The following RPRD1A variants were observed in gnomAD, a reference collection of about 807,000 sequenced individuals.
RPRD1A encodes regulation of nuclear pre-mRNA domain containing 1A.
Under a neutral mutation model 37.8 loss-of-function variants are expected in RPRD1A, and 9 were observed. The observed-to-expected ratio is 0.24, with a 90% CI of 0.14 to 0.42. The LOEUF is 0.42. RPRD1A is among the 10% of genes least tolerant of loss of function. The pLI, the probability that RPRD1A is intolerant of heterozygous loss-of-function variation, is 1.00. For synonymous variants in RPRD1A, 138 were observed against 139.7 expected (o/e 0.99, Z 0.08); for missense variants, 255 against 371.0 (o/e 0.69, Z 2.57).
intron 6 of RPRD1A, among the ~76,000 whole-genome samples, chr18:36,007,837 C>T (rs1037858235): frequency 2.0e-5 from 3 of 152,064 alleles, no homozygotes; most frequent in African/African-American, 7.2e-5. Flanking sequence ...ACTCGGGAGG[C>T]TGAGGCAGGA....
intron 4 of RPRD1A, among the ~76,000 whole-genome samples, chr18:36,028,791 T>A (rs891725600): frequency 3.9e-5 from 6 of 152,126 alleles, no homozygotes; most frequent in African/African-American, 1.4e-4. Flanking sequence ...AGCTGAACCA[T>A]TGATAATTAA....
In RPRD1A at chr18:36,002,432, TAC is replaced by T. The variant is rs542605990; in HGVS notation, c.790-9134_790-9133del. ...TCAAACACATTCTTATTATTTTTTT[TAC>T]AGTCTCACTCTGTCACCCAGGCTGG... is the stretch of plus-strand genomic sequence containing the variant. On this transcript the variant is annotated intron_variant, in intron 6 of 6. Transcript: ENST00000399022. 3.1e-3 allele frequency among the ~76,000 whole-genome samples: 473 copies of T among 152,256 alleles called. 2 individuals are homozygous for T. Among genetic ancestry groups the T allele is most frequent in the Non-Finnish European group, 5.9e-3 (403 of 68,010 alleles).
At chr18:36,024,155 G>A (rs780519416) in intron 6 of RPRD1A, among the ~76,000 whole-genome samples, 25 of 151,300 alleles carry the variant, frequency 1.7e-4, no homozygotes, top group Non-Finnish European at 3.2e-4. Context: ...GTGTGTGCAC[G>A]CGCACGCGCG....
At chr18:36,005,774 C>A (rs1397918665) in intron 6 of RPRD1A, among the ~76,000 whole-genome samples, 1 of 152,208 alleles carries the variant, frequency 6.6e-6, no homozygotes, top group Non-Finnish European at 1.5e-5. Flanking sequence ...CTCCATATAT[C>A]ACTCACTGGA....
intron 1 of RPRD1A, among the ~76,000 whole-genome samples, chr18:36,056,638 T>G (rs1311268817): frequency 6.6e-6 from 1 of 152,020 alleles, no homozygotes; most frequent in East Asian, 1.9e-4. Flanking sequence ...ACTAAATAAG[T>G]ATTTTTAGAA....
intron 6 of RPRD1A, among the ~76,000 whole-genome samples, chr18:36,016,325 C>T (rs1458881878): frequency 3.9e-5 from 6 of 152,136 alleles, no homozygotes; most frequent in South Asian, 2.1e-4. Flanking sequence ...TGGGTTCAAG[C>T]GATTCTCCTG....
chr18:36,008,720 G>A (rs1292509125), intron 6 of RPRD1A, among the ~76,000 whole-genome samples: 1 of 150,664 alleles, frequency 6.6e-6, no homozygotes, highest in Non-Finnish European at 1.5e-5. Context: ...ATATATTTAG[G>A]AATGCATTAT....
chr18:35,996,007 G>GAAGCA (rs1483436265), intron 6 of RPRD1A, among the ~76,000 whole-genome samples: 1 of 152,202 alleles, frequency 6.6e-6, no homozygotes, highest in Non-Finnish European at 1.5e-5. Context: ...ACACCCAAGA[G>GAAGCA]AAGCAGAACA....
At chr18:36,056,216 G>C (rs989880852) in intron 1 of RPRD1A, among the ~76,000 whole-genome samples, 1 of 151,934 alleles carries the variant, frequency 6.6e-6, no homozygotes, top group Non-Finnish European at 1.5e-5. Context: ...GACTGATTCT[G>C]GGTAGAGAAA....
At chr18:36,007,006 TA>T (rs1909787311) in intron 6 of RPRD1A, among the ~76,000 whole-genome samples, 1 of 152,246 alleles carries the variant, frequency 6.6e-6, no homozygotes, top group African/African-American at 2.4e-5. Flanking sequence ...CTGTCTTCTT[TA>T]CTCTTCCTAG....
intron 6 of RPRD1A, chr18:36,025,794 T>A: frequency 2.9e-6 from 1 of 348,724 alleles, no homozygotes; most frequent in Non-Finnish European, 5.1e-6. Context: ...ACACTATGTT[T>A]AAAATTGAGG....
At chr18:36,062,153 T>TA (rs1358933939) in intron 1 of RPRD1A, among the ~76,000 whole-genome samples, 1 of 150,190 alleles carries the variant, frequency 6.7e-6, no homozygotes, top group African/African-American at 2.5e-5. Flanking sequence ...CCGTCTCTAC[T>TA]AAAAATACAA....
At chr18:36,060,231 A>G (rs1472222191) in intron 1 of RPRD1A, among the ~76,000 whole-genome samples, 1 of 152,122 alleles carries the variant, frequency 6.6e-6, no homozygotes, top group Non-Finnish European at 1.5e-5. Context: ...GGAGATCGAG[A>G]CCATCCTGAC....
intron 1 of RPRD1A, among the ~76,000 whole-genome samples, chr18:36,056,540 G>A (rs775924466): frequency 1.3e-5 from 2 of 151,962 alleles, no homozygotes; most frequent in African/African-American, 2.4e-5. Flanking sequence ...TGCCCACTTC[G>A]GCCTCCCAAA....
chr18:36,058,847 G>C (rs898879243), intron 1 of RPRD1A, among the ~76,000 whole-genome samples: 3 of 152,162 alleles, frequency 2.0e-5, no homozygotes, highest in African/African-American at 7.2e-5. Context: ...CAAGCGTACA[G>C]TGTTGTTTTG....
chr18:35,998,564 C>A (rs992174849), intron 6 of RPRD1A, among the ~76,000 whole-genome samples: 3 of 152,114 alleles, frequency 2.0e-5, no homozygotes, highest in Non-Finnish European at 4.4e-5. Context: ...TCACCACTAC[C>A]ACCCTAAAGC....
At chr18:36,039,879 TAC>T (rs200290126) in intron 1 of RPRD1A, among the ~76,000 whole-genome samples, 3 of 140,496 alleles carry the variant, frequency 2.1e-5, no homozygotes, top group African/African-American at 8.4e-5. Flanking sequence ...CATGCACATA[TAC>T]ACACACACAA....
rs149268047 is a variant in RPRD1A, at chr18:36,004,259, ATTTTC to A, written c.790-10964_790-10960del. ...GGCACACTGACAGACTTCCAATCTT[ATTTTC>A]TTTTTTCCAAGATGGGGTCTCACTC... On this transcript the variant is annotated intron_variant, in intron 6 of 6. Transcript: ENST00000399022. Among the ~76,000 whole-genome samples the A allele has an allele frequency of 8.9e-3, 1,343 of 151,446 alleles. 10 individuals are homozygous for A. Among genetic ancestry groups the A allele is most frequent in the African/African-American group, 0.031 (1,272 of 41,296 alleles).
intron 6 of RPRD1A, among the ~76,000 whole-genome samples, chr18:36,020,242 G>C (rs544776171): frequency 6.6e-6 from 1 of 152,108 alleles, no homozygotes; most frequent in East Asian, 1.9e-4. Context: ...AACTCTACAC[G>C]AATCTGGTAA....
Sources: gnomAD v4.1 joint callset for allele counts (sites outside exome capture counted in the v4.1 genomes callset) on GRCh38, gnomAD v4.1.1 for gene constraint, MANE v1.5 for transcripts, NCBI Gene and HGNC (gene_info 2026-07-23, HGNC 2026-07-21) for gene names.